TSC22D3: variants seen among roughly 807,000 people sequenced by gnomAD.
The protein encoded by TSC22D3 is TSC22 domain family member 3, also known as TSC22 domain family protein 3.
TSC22D3 carries 4 observed loss-of-function variants against 11.1 expected under a neutral mutation model. That is an observed-to-expected ratio of 0.36 (90% CI 0.18 to 0.83). The LOEUF (loss-of-function observed/expected upper bound fraction) is 0.83, where lower values mean the gene tolerates loss of function less well. TSC22D3 is among the 40% of genes least tolerant of loss of function. The pLI is 0.48. For synonymous variants in TSC22D3, 77 were observed against 70.3 expected (o/e 1.10, Z -0.48); for missense variants, 118 against 159.4 (o/e 0.74, Z 1.40).
intron 1 of TSC22D3, among the ~76,000 whole-genome samples, chrX:107,720,732 C>G (rs774285727): frequency 1.1e-5 from 1 of 87,240 alleles, no homozygotes; most frequent in East Asian, 3.4e-4. Context: ...GATTTTCCAA[C>G]AACAAGGGCA....
At chrX:107,717,140 T>G in intron 1 of TSC22D3, 1 of 810,081 alleles carries the variant, frequency 1.2e-6, no homozygotes, top group Non-Finnish European at 1.5e-6. Context: ...TGCAAATGAG[T>G]CCTGTACCGG....
intron 1 of TSC22D3, among the ~76,000 whole-genome samples, chrX:107,773,344 C>T (rs1284748358): frequency 8.9e-6 from 1 of 111,952 alleles, no homozygotes; most frequent in Non-Finnish European, 1.9e-5. Flanking sequence ...TTCCTAAAGC[C>T]TGGAGTGGCA....
intron 1 of TSC22D3, among the ~76,000 whole-genome samples, chrX:107,738,550 T>A (rs1928246559): frequency 8.9e-6 from 1 of 112,946 alleles, no homozygotes; most frequent in Non-Finnish European, 1.9e-5. Context: ...AGTCTGCACC[T>A]CCTGGAGGCA....
At chrX:107,757,783 TC>T (rs1187738710) in intron 1 of TSC22D3, among the ~76,000 whole-genome samples, 1 of 110,968 alleles carries the variant, frequency 9.0e-6, no homozygotes, top group Non-Finnish European at 1.9e-5. Context: ...AAAACCATTG[TC>T]CTGAGGGAAT....
At chrX:107,753,466 G>A (rs1443849493) in intron 1 of TSC22D3, among the ~76,000 whole-genome samples, 1 of 111,231 alleles carries the variant, frequency 9.0e-6, no homozygotes, top group Non-Finnish European at 1.9e-5. Flanking sequence ...CAGATGAATT[G>A]CGCCACCACT....
Position 107,715,402 on chromosome X carries a change from C to T in TSC22D3, c.372+497G>A, listed in dbSNP as rs369162274. Among the ~76,000 whole-genome samples, 20 of 112,168 alleles carry T rather than the reference C, an allele frequency of 1.8e-4. No homozygotes were observed. In the East Asian group the frequency reaches 3.9e-3, roughly 22 times the overall value. ...AGGGCACAATTAAGTGGCTCCCAAC[C>T]GCTGAAGCCCTAACCCTCTGCAGCC... On this transcript the variant is annotated intron_variant, in intron 2 of 2. Transcript: ENST00000372383.
rs145884123 is a variant in TSC22D3 at position 107,735,222 on chromosome X, C to T, written c.321-19272G>A. ...GAGGGATTTGCTTAATAGCATCCAA[C>T]GGATGGGGCAGGAGCCACACAAGAG... On this transcript the variant is annotated intron_variant, in intron 1 of 2. Transcript: ENST00000372383. 4.9e-3 allele frequency among the ~76,000 whole-genome samples: 544 copies of T among 111,640 alleles called. 4 individuals carry two copies. Among genetic ancestry groups the T allele is most frequent in the African/African-American group, 0.017 (524 of 30,681 alleles).
At chrX:107,735,367 C>T (rs763450521) in intron 1 of TSC22D3, among the ~76,000 whole-genome samples, 8 of 111,623 alleles carry the variant, frequency 7.2e-5, no homozygotes, top group South Asian at 3.8e-4. Flanking sequence ...CCTGTTCAGA[C>T]GCTATTCTTG....
At chrX:107,766,452 G>GC (rs111524433) in intron 1 of TSC22D3, among the ~76,000 whole-genome samples, 4,638 of 77,210 alleles carry the variant, frequency 0.06, 486 homozygotes, top group African/African-American at 0.22. Context: ...TGGAGTTTCC[G>GC]CCCCCCCCCC....
Position 107,758,879 on chromosome X carries a change from A to AT in TSC22D3, c.320+16220dup, listed in dbSNP as rs763604179. 1.1e-3 allele frequency among the ~76,000 whole-genome samples: 119 copies of AT among 105,352 alleles called. 1 individual carries two copies. The highest frequency in any genetic ancestry group is 3.1e-3 in the African/African-American group (90 of 29,044). The allele number at this position is 105,352 out of a possible 115,157, so 91.5% of individuals were successfully genotyped here. A position where few individuals can be genotyped will look rare whatever the true frequency, so the allele number is the denominator to read the frequency against. ...ATCCGTTCCAAGCCCATCATCCTTG[A>AT]TTTTTTTTTTTCTTTTTTTGAGATG... On this transcript the variant is annotated intron_variant, in intron 1 of 2. Coordinates refer to ENST00000372383, the MANE Select transcript of TSC22D3 (RefSeq NM_198057.3).
chrX:107,741,014 A>G (rs1928381492), intron 1 of TSC22D3, among the ~76,000 whole-genome samples: 1 of 110,014 alleles, frequency 9.1e-6, no homozygotes, highest in African/African-American at 3.3e-5. Context: ...CCAGGCTGGC[A>G]GGGGAGATGT....
intron 1 of TSC22D3, among the ~76,000 whole-genome samples, chrX:107,749,072 T>C (rs1408964767): frequency 9.0e-6 from 1 of 110,910 alleles, no homozygotes; most frequent in African/African-American, 3.3e-5. Context: ...CGGTGGCTCA[T>C]GCCTGTGATC....
At chrX:107,748,340 TG>T (rs1029675611) in intron 1 of TSC22D3, among the ~76,000 whole-genome samples, 4 of 111,726 alleles carry the variant, frequency 3.6e-5, no homozygotes, top group African/African-American at 1.3e-4. Flanking sequence ...CTCCTCAGAA[TG>T]AAATGAGACT....
At chrX:107,735,224 G>A (rs1168198902) in intron 1 of TSC22D3, among the ~76,000 whole-genome samples, 2 of 111,790 alleles carry the variant, frequency 1.8e-5, no homozygotes, top group Non-Finnish European at 3.8e-5. Context: ...GCATCCAACG[G>A]ATGGGGCAGG....
intron 1 of TSC22D3, among the ~76,000 whole-genome samples, chrX:107,731,139 A>G (rs1051890781): frequency 8.9e-6 from 1 of 112,471 alleles, no homozygotes; most frequent in Non-Finnish European, 1.9e-5. Flanking sequence ...GGGGGATGGT[A>G]GGGAAAGAAC....
intron 1 of TSC22D3, among the ~76,000 whole-genome samples, chrX:107,725,339 A>G (rs914291110): frequency 1.8e-5 from 2 of 112,085 alleles, no homozygotes; most frequent in Non-Finnish European, 3.8e-5. Flanking sequence ...CCTAAGGGAG[A>G]TTGTGGAAAA....
At chrX:107,746,014 T>C (rs1334817040) in intron 1 of TSC22D3, among the ~76,000 whole-genome samples, 2 of 112,436 alleles carry the variant, frequency 1.8e-5, no homozygotes, top group Non-Finnish European at 3.8e-5. Flanking sequence ...AATATCTATA[T>C]TACATTTCTT....
chrX:107,715,147 T>G (rs1007082410), intron 2 of TSC22D3, among the ~76,000 whole-genome samples: 3 of 112,006 alleles, frequency 2.7e-5, no homozygotes, highest in African/African-American at 9.8e-5. Context: ...AGGGTAGACC[T>G]GCAATGCATC....
At chrX:107,750,470 TGGCGGGCAAGAAGGCAAAGCGAGGAC>T (rs1928886368) in intron 1 of TSC22D3, among the ~76,000 whole-genome samples, 1 of 110,988 alleles carries the variant, frequency 9.0e-6, no homozygotes, top group Non-Finnish European at 1.9e-5. Context: ...ATGCTGGAAG[TGGCGGGCAAGAAGGCAAAGCGAGGAC>T]GGCGAGCAAA....
Sources: gnomAD v4.1 joint callset for allele counts (sites outside exome capture counted in the v4.1 genomes callset) on GRCh38, gnomAD v4.1.1 for gene constraint, MANE v1.5 for transcripts, NCBI Gene and HGNC (gene_info 2026-07-23, HGNC 2026-07-21) for gene names.